Variants in KCNT2 observed in about 807,000 individuals in gnomAD.
The protein encoded by KCNT2 is potassium sodium-activated channel subfamily T member 2.
KCNT2 carries 67 observed loss-of-function variants against 153.8 expected under a neutral mutation model. The observed-to-expected ratio is 0.44, with a 90% CI of 0.36 to 0.53. The LOEUF (loss-of-function observed/expected upper bound fraction) is 0.53. KCNT2 is among the 20% of genes least tolerant of loss of function. KCNT2 has a pLI of 0.00. For synonymous variants in KCNT2, 500 were observed against 458.8 expected (o/e 1.09, Z -1.15); for missense variants, 975 against 1,354.8 (o/e 0.72, Z 4.40).
At chr1:196,416,462 T>A (rs1672761320) in intron 12 of KCNT2, among the ~76,000 whole-genome samples, 1 of 152,088 alleles carries the variant, frequency 6.6e-6, no homozygotes, top group Admixed American at 6.6e-5. Flanking sequence ...ATTATAGGCA[T>A]CAGCTGGGGA....
chr1:196,467,170 C>T (rs1290947953), intron 7 of KCNT2, among the ~76,000 whole-genome samples: 4 of 152,032 alleles, frequency 2.6e-5, no homozygotes, highest in Admixed American at 1.3e-4. Context: ...TATGCATCAA[C>T]AAACTGCCTT....
chr1:196,335,437 C>T (rs1391903082), intron 16 of KCNT2, among the ~76,000 whole-genome samples: 1 of 152,058 alleles, frequency 6.6e-6, no homozygotes, highest in Non-Finnish European at 1.5e-5. Context: ...GCCTACTGCT[C>T]CTAGACTACA....
intron 21 of KCNT2, among the ~76,000 whole-genome samples, chr1:196,306,480 A>G (rs1222668366): frequency 2.0e-5 from 3 of 152,102 alleles, no homozygotes; most frequent in African/African-American, 7.2e-5. Context: ...GAGCTCCAGC[A>G]TTACAGACGA....
At chr1:196,283,839 GT>G (rs1659361112) in intron 23 of KCNT2, among the ~76,000 whole-genome samples, 2 of 152,098 alleles carry the variant, frequency 1.3e-5, no homozygotes. Flanking sequence ...AAGGGTAAGT[GT>G]TGTTAATATT....
chr1:196,473,722 T>C (rs896848239), intron 5 of KCNT2, among the ~76,000 whole-genome samples: 4 of 152,040 alleles, frequency 2.6e-5, no homozygotes, highest in African/African-American at 9.7e-5. Context: ...AAATAGCTAA[T>C]GAAACATAAA....
chr1:196,256,094 TA>T (rs1259883414), intron 26 of KCNT2, among the ~76,000 whole-genome samples: 2 of 152,016 alleles, frequency 1.3e-5, no homozygotes, highest in Non-Finnish European at 2.9e-5. Flanking sequence ...AACACAAGTA[TA>T]AAAATCTTGC....
At chr1:196,450,364 T>C (rs977708811) in intron 8 of KCNT2, among the ~76,000 whole-genome samples, 4 of 151,946 alleles carry the variant, frequency 2.6e-5, no homozygotes, top group Admixed American at 2.6e-4. Context: ...AATTTACACA[T>C]TAATCCTAAT....
At chr1:196,575,029 A>AT (rs1304069240) in intron 1 of KCNT2, among the ~76,000 whole-genome samples, 9 of 152,020 alleles carry the variant, frequency 5.9e-5, no homozygotes, top group African/African-American at 9.7e-5. Context: ...TAATTAAGCA[A>AT]TTTTTTCAAA....
intron 17 of KCNT2, 111 bp from the exon 18 acceptor site, chr1:196,331,372 G>A: frequency 2.9e-6 from 2 of 689,440 alleles, no homozygotes; most frequent in Non-Finnish European, 5.3e-6. Flanking sequence ...CCTCTGTGTT[G>A]CAATTATATT....
intron 8 of KCNT2, among the ~76,000 whole-genome samples, chr1:196,439,257 T>C (rs1227901419): frequency 6.6e-6 from 1 of 151,998 alleles, no homozygotes; most frequent in East Asian, 1.9e-4. Context: ...GCTGGTATTC[T>C]AGTATTTTTT....
intron 14 of KCNT2, among the ~76,000 whole-genome samples, chr1:196,349,556 A>C (rs1666440949): frequency 6.6e-6 from 1 of 152,100 alleles, no homozygotes; most frequent in Non-Finnish European, 1.5e-5. Flanking sequence ...ACTGGTAAGC[A>C]AGAAACTGCA....
chr1:196,289,850 A>G (rs1031458631), intron 22 of KCNT2, among the ~76,000 whole-genome samples: 4 of 152,082 alleles, frequency 2.6e-5, no homozygotes, highest in African/African-American at 9.7e-5. Flanking sequence ...TTTCCTAACA[A>G]ATACTTATAT....
intron 25 of KCNT2, chr1:196,273,568 A>G (rs1324410224): frequency 8.0e-6 from 8 of 998,364 alleles, no homozygotes; most frequent in Non-Finnish European, 9.0e-6. Flanking sequence ...GCCAACAATC[A>G]GTAACAAGGA....
intron 8 of KCNT2, among the ~76,000 whole-genome samples, chr1:196,433,749 TA>T (rs1674365533): frequency 6.6e-6 from 1 of 152,062 alleles, no homozygotes; most frequent in Admixed American, 6.6e-5. Context: ...TCCGGCCTTT[TA>T]AGATAATCTC....
intron 12 of KCNT2, among the ~76,000 whole-genome samples, chr1:196,420,433 T>C (rs1171371591): frequency 6.6e-6 from 1 of 151,854 alleles, no homozygotes; most frequent in Non-Finnish European, 1.5e-5. Flanking sequence ...CAAATCCCTA[T>C]GTCTGCTGTC....
chr1:196,299,032 G>A (rs965298842), intron 22 of KCNT2, among the ~76,000 whole-genome samples: 2 of 151,692 alleles, frequency 1.3e-5, no homozygotes, highest in South Asian at 2.1e-4. Flanking sequence ...TCATTCAAAA[G>A]CAATTTTAAA....
At chr1:196,337,986 A>T (rs1263250083) in intron 16 of KCNT2, among the ~76,000 whole-genome samples, 1 of 152,124 alleles carries the variant, frequency 6.6e-6, no homozygotes, top group East Asian at 1.9e-4. Flanking sequence ...TTCTTGGTAC[A>T]TATTAGGTAC....
chr1:196,562,827 G>A (rs1338933711), intron 1 of KCNT2, among the ~76,000 whole-genome samples: 3 of 151,628 alleles, frequency 2.0e-5, no homozygotes, highest in African/African-American at 7.3e-5. Context: ...CGAAATACCT[G>A]AATACCCAAT....
chr1:196,403,615 G>A (rs1266320398), intron 12 of KCNT2, among the ~76,000 whole-genome samples: 3 of 151,392 alleles, frequency 2.0e-5, no homozygotes, highest in African/African-American at 7.3e-5. Flanking sequence ...CACAATAATG[G>A]AAGATGTTAA....
Sources: allele counts gnomAD v4.1 joint callset (sites outside exome capture counted in the v4.1 genomes callset), GRCh38; gene constraint gnomAD v4.1.1; transcripts MANE v1.5; gene names NCBI Gene and HGNC (gene_info 2026-07-23, HGNC 2026-07-21).